Variants in ADAM12 observed in about 807,000 individuals in gnomAD.
ADAM12 encodes disintegrin and metalloproteinase domain-containing protein 12.
In ADAM12, 70 loss-of-function variants were observed where a neutral mutation model predicts 106.4. That is an observed-to-expected ratio of 0.66 (90% CI 0.54 to 0.80). ADAM12 has a LOEUF of 0.80. ADAM12 is among the 30% of genes least tolerant of loss of function. ADAM12 has a pLI of 0.00. For missense variants in ADAM12, 1,010 were observed against 1,171.9 expected (o/e 0.86, Z 2.02); for synonymous variants, 420 against 433.5 (o/e 0.97, Z 0.39).
chr10:126,385,188 G>A (rs946944936), intron 1 of ADAM12, among the ~76,000 whole-genome samples: 2 of 152,160 alleles, frequency 1.3e-5, no homozygotes, highest in African/African-American at 4.8e-5. Flanking sequence ...CTCTAGATAC[G>A]CCACCCTCCA....
At chr10:126,358,927 G>A in intron 1 of ADAM12, among the ~76,000 whole-genome samples, 1 of 152,134 alleles carries the variant, frequency 6.6e-6, no homozygotes, top group African/African-American at 2.4e-5. Flanking sequence ...AGACACCCAA[G>A]ACTGGGCAAT....
At chr10:126,307,946 C>T (rs1231952234) in intron 2 of ADAM12, among the ~76,000 whole-genome samples, 1 of 152,186 alleles carries the variant, frequency 6.6e-6, no homozygotes, top group Non-Finnish European at 1.5e-5. Context: ...ATGCTAGACA[C>T]TGTGTATGGC....
chr10:126,160,573 C>T (rs1226486568), intron 3 of ADAM12, among the ~76,000 whole-genome samples: 1 of 152,194 alleles, frequency 6.6e-6, no homozygotes. Flanking sequence ...GCAGCCAAGA[C>T]TCCAGGTGTC....
chr10:126,069,071 A>G (rs2133491217), intron 12 of ADAM12, among the ~76,000 whole-genome samples: 1 of 152,260 alleles, frequency 6.6e-6, no homozygotes, highest in African/African-American at 2.4e-5. Context: ...GGCCAGGTCA[A>G]TCTGATGTAA....
chr10:126,147,907 G>A (rs1001601253), intron 4 of ADAM12, among the ~76,000 whole-genome samples: 2 of 152,228 alleles, frequency 1.3e-5, no homozygotes, highest in African/African-American at 4.8e-5. Flanking sequence ...TTGACAAGAT[G>A]CATGTAACAG....
chr10:126,118,504 G>A (rs1015546627), intron 5 of ADAM12, among the ~76,000 whole-genome samples: 8 of 152,162 alleles, frequency 5.3e-5, no homozygotes, highest in African/African-American at 1.9e-4. Flanking sequence ...CTCTTTTTAT[G>A]TCTCAAAGAT....
At chr10:126,068,484 A>T (rs1255663400) in intron 12 of ADAM12, among the ~76,000 whole-genome samples, 1 of 152,244 alleles carries the variant, frequency 6.6e-6, no homozygotes, top group African/African-American at 2.4e-5. Context: ...ATAATGTGAG[A>T]AAGATAACTA....
chr10:126,345,480 T>C (rs946447195), intron 1 of ADAM12, among the ~76,000 whole-genome samples: 3 of 152,196 alleles, frequency 2.0e-5, no homozygotes, highest in African/African-American at 7.2e-5. Flanking sequence ...TGGTCTAAAA[T>C]TCTCCTTTTT....
At chr10:126,039,747 G>C (rs1189378687) in intron 18 of ADAM12, among the ~76,000 whole-genome samples, 1 of 152,236 alleles carries the variant, frequency 6.6e-6, no homozygotes, top group Non-Finnish European at 1.5e-5. Flanking sequence ...GCCACAGAAG[G>C]TAGCAGGGAG....
chr10:126,358,082 G>C (rs1416230332), intron 1 of ADAM12, among the ~76,000 whole-genome samples: 1 of 151,818 alleles, frequency 6.6e-6, no homozygotes, highest in Non-Finnish European at 1.5e-5. Context: ...GGAGGCTGAG[G>C]CAGGAGAATG....
At chr10:126,254,705 A>G (rs1476778501) in intron 3 of ADAM12, among the ~76,000 whole-genome samples, 1 of 152,082 alleles carries the variant, frequency 6.6e-6, no homozygotes, top group Non-Finnish European at 1.5e-5. Context: ...AAGGCCACTG[A>G]CCGCTCTGCT....
intron 10 of ADAM12, among the ~76,000 whole-genome samples, chr10:126,095,924 TAC>T (rs1298209607): frequency 2.6e-5 from 4 of 152,238 alleles, no homozygotes; most frequent in Non-Finnish European, 4.4e-5. Flanking sequence ...AGCACACTGA[TAC>T]AGTCTGTGTG....
intron 1 of ADAM12, among the ~76,000 whole-genome samples, chr10:126,379,567 A>T (rs138910756): frequency 0.013 from 1,947 of 152,234 alleles, 47 homozygotes; most frequent in African/African-American, 0.045. Context: ...TAGGGGAGGG[A>T]TAACATTAGG....
rs1410421381 is a variant in ADAM12 at position 126,111,083 on chromosome 10, CCAAA to C, written c.604-1247_604-1244del. Among the ~76,000 whole-genome samples the C allele has an allele frequency of 5.9e-5, 9 of 152,274 alleles. No individual in the cohort carries two copies. In the East Asian group the frequency reaches 7.7e-4, roughly 13 times the overall value. The stretch of plus-strand genomic sequence containing the variant: ...CAAATCCCCATCAGTCCGGGATCTT[CCAAA>C]CAGACTTTTACAAGAAAAATGTTTG... On this transcript the variant is annotated intron_variant, in intron 6 of 22. Transcript: ENST00000448723.
chr10:126,299,404 T>G (rs2133795517), intron 2 of ADAM12, among the ~76,000 whole-genome samples: 1 of 152,308 alleles, frequency 6.6e-6, no homozygotes, highest in South Asian at 2.1e-4. Context: ...TACAGAGTTC[T>G]GGGGCCACAG....
intron 14 of ADAM12, among the ~76,000 whole-genome samples, chr10:126,050,886 T>A (rs1029653838): frequency 4.6e-5 from 7 of 152,222 alleles, no homozygotes; most frequent in African/African-American, 1.7e-4. Flanking sequence ...ATAAGCCATG[T>A]TAGAGAAGCC....
intron 6 of ADAM12, among the ~76,000 whole-genome samples, chr10:126,110,510 G>A (rs535938571): frequency 2.6e-5 from 4 of 152,130 alleles, no homozygotes; most frequent in African/African-American, 9.6e-5. Context: ...GAAAGAGAAC[G>A]GAAAGAAACA....
At chr10:126,172,769 A>T (rs1957141734) in intron 3 of ADAM12, among the ~76,000 whole-genome samples, 1 of 152,370 alleles carries the variant, frequency 6.6e-6, no homozygotes, top group Non-Finnish European at 1.5e-5. Flanking sequence ...ATATACCCAA[A>T]GGATTATAAA....
intron 2 of ADAM12, among the ~76,000 whole-genome samples, chr10:126,301,040 T>C (rs1056649536): frequency 2.6e-5 from 4 of 152,180 alleles, no homozygotes; most frequent in African/African-American, 9.7e-5. Context: ...TGTGGCAATG[T>C]CTAGGGACAT....
Sources: gnomAD v4.1 joint callset for allele counts (sites outside exome capture counted in the v4.1 genomes callset) on GRCh38, gnomAD v4.1.1 for gene constraint, MANE v1.5 for transcripts, NCBI Gene and HGNC (gene_info 2026-07-23, HGNC 2026-07-21) for gene names.